NKAIN2: variants seen among roughly 807,000 people sequenced by gnomAD.
NKAIN2 encodes the protein sodium/potassium-transporting ATPase subunit beta-1-interacting protein 2.
In NKAIN2, 14 loss-of-function variants were observed where a neutral mutation model predicts 32.6. That is an observed-to-expected ratio of 0.43 (90% CI 0.28 to 0.67). NKAIN2 has a LOEUF of 0.67. Among genes scored for constraint, NKAIN2 ranks in the 30% least tolerant of loss-of-function variants. The pLI is 0.17. For synonymous variants in NKAIN2, 80 were observed against 87.2 expected, an observed-to-expected ratio of 0.92 and a Z score of 0.46; for missense variants, 198 against 258.3, an observed-to-expected ratio of 0.77 and a Z score of 1.60.
chr6:124,498,734 T>C (rs182559086), intron 3 of NKAIN2, among the ~76,000 whole-genome samples: 4 of 152,308 alleles, frequency 2.6e-5, no homozygotes, highest in Admixed American at 2.6e-4. Flanking sequence ...TATTTTCTTT[T>C]TTCACTGTAT....
intron 4 of NKAIN2, among the ~76,000 whole-genome samples, chr6:124,715,726 A>G (rs746384713): frequency 2.0e-5 from 3 of 152,100 alleles, no homozygotes; most frequent in Non-Finnish European, 4.4e-5. Flanking sequence ...CAACTCCACA[A>G]AACTGCTACC....
chr6:123,970,764 C>T (rs551624979), intron 1 of NKAIN2, among the ~76,000 whole-genome samples: 52 of 151,996 alleles, frequency 3.4e-4, no homozygotes, highest in African/African-American at 1.0e-3. Flanking sequence ...TGCCTGTAAT[C>T]GCAGCTACTT....
At chr6:124,353,777 TG>T (rs1798841681) in intron 2 of NKAIN2, among the ~76,000 whole-genome samples, 1 of 148,674 alleles carries the variant, frequency 6.7e-6, no homozygotes, top group Non-Finnish European at 1.5e-5. Flanking sequence ...GGCACAGAGG[TG>T]GGAAATAACT....
chr6:124,213,091 T>C (rs1791273786), intron 1 of NKAIN2, among the ~76,000 whole-genome samples: 1 of 152,100 alleles, frequency 6.6e-6, no homozygotes, highest in African/African-American at 2.4e-5. Flanking sequence ...CAAATCCAGA[T>C]TTTACGTGCG....
chr6:123,966,650 A>G, intron 1 of NKAIN2, among the ~76,000 whole-genome samples: 1 of 152,218 alleles, frequency 6.6e-6, no homozygotes, highest in East Asian at 1.9e-4. Context: ...GTGATGTCAA[A>G]GAAGCAAGAT....
chr6:124,296,329 TTA>T (rs1173793820), intron 2 of NKAIN2, among the ~76,000 whole-genome samples: 1 of 152,156 alleles, frequency 6.6e-6, no homozygotes, highest in Non-Finnish European at 1.5e-5. Flanking sequence ...AAATTCTCAG[TTA>T]TGTTTTATTT....
In NKAIN2 at chr6:124,753,111, G is replaced by C. The variant is rs550671238; in HGVS notation, c.475-38228G>C. 8.3e-4 allele frequency among the ~76,000 whole-genome samples: 127 copies of C among 152,160 alleles called. No individual in the cohort carries two copies. In the South Asian group the frequency reaches 0.01, roughly 12 times the overall value. On this transcript the variant is annotated intron_variant, in intron 4 of 6. Transcript: ENST00000368417. ...ATTCTGTTGTACTTGTCATTTCTCA[G>C]TTAATTAAGCCAGATATCTCCTTAG...
intron 4 of NKAIN2, among the ~76,000 whole-genome samples, chr6:124,777,471 A>G (rs1373853171): frequency 3.3e-5 from 5 of 152,222 alleles, no homozygotes; most frequent in African/African-American, 4.8e-5. Context: ...TATAATAACT[A>G]TACCTATCTC....
At chr6:123,868,208 A>C (rs1297227737) in intron 1 of NKAIN2, among the ~76,000 whole-genome samples, 3 of 152,138 alleles carry the variant, frequency 2.0e-5, no homozygotes, top group Non-Finnish European at 4.4e-5. Flanking sequence ...AGTCTCCTGC[A>C]TGAGGCTCTA....
Position 123,909,907 on chromosome 6 carries a change from A to C in NKAIN2, c.54+105653A>C, listed in dbSNP as rs9401710. ...TGTGCAATAGTTACTTGCTTAAAAA[A>C]TGAGTAACTCTACTACAATGAAATG... On this transcript the variant is annotated intron_variant, in intron 1 of 6. Transcript: ENST00000368417. 5.3e-5 allele frequency among the ~76,000 whole-genome samples: 8 copies of C among 152,324 alleles called. No individual in the cohort carries two copies. In the South Asian group the frequency reaches 1.7e-3, roughly 32 times the overall value.
At chr6:123,808,611 A>C (rs1427064572) in intron 1 of NKAIN2, among the ~76,000 whole-genome samples, 1 of 152,176 alleles carries the variant, frequency 6.6e-6, no homozygotes, top group Admixed American at 6.5e-5. Context: ...TATTTTCTTG[A>C]ATACAGCTAA....
At chr6:124,167,014 T>C (rs1582776385) in intron 1 of NKAIN2, among the ~76,000 whole-genome samples, 2 of 150,288 alleles carry the variant, frequency 1.3e-5, no homozygotes, top group Middle Eastern at 3.5e-3. Context: ...CTTTTTTGGT[T>C]CCATATGAAC....
chr6:124,028,508 T>G (rs1356139579), intron 1 of NKAIN2, among the ~76,000 whole-genome samples: 1 of 151,470 alleles, frequency 6.6e-6, no homozygotes, highest in Non-Finnish European at 1.5e-5. Context: ...AACCTGCCCA[T>G]GTACCCTAAA....
At chr6:124,820,657 A>G (rs1661384224) in intron 6 of NKAIN2, among the ~76,000 whole-genome samples, 1 of 152,178 alleles carries the variant, frequency 6.6e-6, no homozygotes, top group South Asian at 2.1e-4. Context: ...GTCCTGGCCC[A>G]TGGTCTGTTA....
chr6:123,812,049 C>T (rs906791618), intron 1 of NKAIN2, among the ~76,000 whole-genome samples: 11 of 152,040 alleles, frequency 7.2e-5, no homozygotes, highest in African/African-American at 2.2e-4. Context: ...TGCCCCCCAC[C>T]GCCCCCACCC....
rs566606891 is a variant in NKAIN2, at chr6:123,884,479, C to T, written c.54+80225C>T. Among the ~76,000 whole-genome samples the T allele has an allele frequency of 9.9e-5, 15 of 152,166 alleles. No homozygotes were observed. In the South Asian group the frequency reaches 2.1e-3, roughly 21 times the overall value. ...CTGAAAGATTTTGCTAAGCTCTCTG[C>T]GTATGTGGGTGGGTGTGTGTGTTTC... On this transcript the variant is annotated intron_variant, in intron 1 of 6. Coordinates refer to ENST00000368417, the MANE Select transcript of NKAIN2 (RefSeq NM_001040214.3).
intron 3 of NKAIN2, among the ~76,000 whole-genome samples, chr6:124,506,744 T>C (rs1778499921): frequency 6.6e-6 from 1 of 152,078 alleles, no homozygotes; most frequent in Admixed American, 6.6e-5. Context: ...GGTTAAGAAA[T>C]AAATGTACCT....
intron 4 of NKAIN2, among the ~76,000 whole-genome samples, chr6:124,702,304 C>G (rs1774831967): frequency 6.6e-6 from 1 of 151,748 alleles, no homozygotes. Flanking sequence ...AATATGAAAC[C>G]TTGTAAATCA....
rs1050664618 is a variant in NKAIN2, at chr6:124,236,370, G to A, written c.55-46635G>A. On this transcript the variant is annotated intron_variant, in intron 1 of 6. Transcript: ENST00000368417. ...AACAAGCAGAGGTCACGTGTGGGTC[G>A]GAGCCCATACACTTGAGGAAGGCAT... Among the ~76,000 whole-genome samples the A allele has an allele frequency of 7.2e-5, 11 of 152,146 alleles. No homozygotes were observed. The East Asian group carries it at 7.8e-4, about 11-fold the overall frequency.
Sources: gnomAD v4.1 joint callset for allele counts (sites outside exome capture counted in the v4.1 genomes callset) on GRCh38, gnomAD v4.1.1 for gene constraint, MANE v1.5 for transcripts, NCBI Gene and HGNC (gene_info 2026-07-23, HGNC 2026-07-21) for gene names.